Variants in MESP1 observed in about 807,000 individuals in gnomAD.
The protein encoded by MESP1 is mesoderm posterior protein 1.
Under a neutral mutation model 15.2 loss-of-function variants are expected in MESP1, and 22 were observed. The ratio of observed to expected loss-of-function variants is 1.45; its 90% CI spans 1.04 to 2.07. The LOEUF (loss-of-function observed/expected upper bound fraction) is 2.07, where lower values mean the gene tolerates loss of function less well. MESP1 is among the 30% of genes most tolerant of loss of function. MESP1 has a pLI of 0.00. For missense variants in MESP1, 484 were observed against 411.9 expected (o/e 1.17, Z -1.51); for synonymous variants, 216 against 192.6 (o/e 1.12, Z -1.01).
downstream of MESP1, among the ~76,000 whole-genome samples, chr15:89,746,796 C>G (rs1967969341): frequency 6.8e-6 from 1 of 146,948 alleles, no homozygotes; most frequent in Non-Finnish European, 1.5e-5. Flanking sequence ...TCCCCACACA[C>G]ACACACACAC....
At chr15:89,743,237 C>T in the MESP1 span, 8 of 1,588,768 alleles carry the variant, frequency 5.0e-6, no homozygotes, top group Admixed American at 1.7e-5. Context: ...CCTGGGGGCT[C>T]GGGAGCTGGG....
At chr15:89,736,685 G>T in the MESP1 span, among the ~76,000 whole-genome samples, 8 of 152,234 alleles carry the variant, frequency 5.3e-5, no homozygotes, top group East Asian at 1.4e-3. Context: ...GCTGAAGCTG[G>T]GAGACAGACG....
chr15:89,732,859 A>T, the MESP1 span: 1 of 729,332 alleles, frequency 1.4e-6, no homozygotes, highest in African/African-American at 1.8e-5. Flanking sequence ...CACTAGGTTT[A>T]CTGATTTTCT....
the MESP1 span, chr15:89,743,511 T>C: frequency 3.4e-6 from 3 of 890,930 alleles, no homozygotes; most frequent in Non-Finnish European, 5.2e-6. Flanking sequence ...GCACTCGGAG[T>C]CTGGGGCCTC....
rs367827426 is a variant in MESP1, at chr15:89,750,135, T to C, written c.*9A>G. On this transcript the variant is annotated 3_prime_UTR_variant, in exon 2 of 2. Transcript: ENST00000300057. ...CGGTGCTCACAGAGACGGCGTCAGT[T>C]GTCCCTTGTCACTTGGGCTCCTCAG... 2 of 1,613,674 alleles carry C rather than the reference T, an allele frequency of 1.2e-6. No homozygotes were observed. The highest frequency in any genetic ancestry group is 1.7e-6 in the Non-Finnish European group (2 of 1,179,764).
At chr15:89,736,450 C>T in the MESP1 span, among the ~76,000 whole-genome samples, 17 of 152,036 alleles carry the variant, frequency 1.1e-4, no homozygotes, top group Non-Finnish European at 1.8e-4. Context: ...TGAAGTGGGG[C>T]GTACAGCAGG....
the MESP1 span, chr15:89,738,381 C>T: frequency 1.0e-6 from 1 of 965,900 alleles, no homozygotes; most frequent in Non-Finnish European, 1.5e-6. Flanking sequence ...AATCCCAGCA[C>T]TTTGGGAGTC....
chr15:89,735,376 CCTCACATATTTCTTGATTTCTCTG>C, the MESP1 span: 1 of 1,057,846 alleles, frequency 9.5e-7, no homozygotes, highest in Non-Finnish European at 1.4e-6. Flanking sequence ...TGAACAGCCT[CCTCACATATTTCTTGATTTCTCTG>C]AATTTCTCCA....
At position 89,751,215 on chromosome 15, in the gene MESP1, C is replaced by A; in HGVS notation, c.17G>T (p.Cys6Phe). 1 of 1,248,096 alleles carries A rather than the reference C, an allele frequency of 8.0e-7. No homozygotes were observed. The highest frequency in any genetic ancestry group is 3.7e-5 in the South Asian group (1 of 26,844). 77.3% of individuals were successfully genotyped at this position (1,248,096 alleles called of 1,614,324 possible). ...CATCCAGGACTCGGAGAGCGGCGGG[C>A]ACAGGGGCTGGGCCATGGCAGCGGC... MAQPL[C>F]PPLSESWMLS... The change falls in exon 1 of 2, where the codon TGC becomes TTC. Residue 6 changes from cysteine to phenylalanine, a missense_variant. Physicochemically the swap from Cys to Phe is radical, Grantham distance 205. Transcript: ENST00000300057.
chr15:89,751,065 G>T lies in MESP1; in HGVS notation c.167C>A (p.Ala56Glu). 2 of 1,239,370 alleles carry T rather than the reference G, an allele frequency of 1.6e-6. No individual in the cohort carries two copies. The highest frequency in any genetic ancestry group is 2.4e-5 in the South Asian group (1 of 42,326). The allele number at this position is 1,239,370 out of a possible 1,614,324, so 76.8% of individuals were successfully genotyped here. Residue 56 changes from alanine to glutamate, a missense_variant, in exon 1 of 2, where the codon GCG becomes GAG. Coordinates refer to ENST00000300057, the MANE Select transcript of MESP1 (RefSeq NM_018670.4). ...GGGGTCCCGGAGGGTGCCTGGCCGC[G>T]CGGGGCTCGCCACGGGGCTGTCGGC... Reference protein sequence around the residue: ...TPADSPVASPARPGTLRDPRA... With the variant: ...TPADSPVASPERPGTLRDPRA...
chr15:89,736,555 C>A, the MESP1 span, among the ~76,000 whole-genome samples: 1 of 151,842 alleles, frequency 6.6e-6, no homozygotes, highest in Non-Finnish European at 1.5e-5. Context: ...ACAAAGTGAC[C>A]GTGAGGGGCC....
chr15:89,736,070 G>A, the MESP1 span, among the ~76,000 whole-genome samples: 2 of 152,206 alleles, frequency 1.3e-5, no homozygotes, highest in African/African-American at 4.8e-5. Flanking sequence ...TGTACACTGC[G>A]CAGAAGGATA....
the MESP1 span, among the ~76,000 whole-genome samples, chr15:89,738,626 C>CAA: frequency 0.016 from 1,287 of 81,408 alleles, 26 homozygotes; most frequent in African/African-American, 0.057. Context: ...GACTCTGTCC[C>CAA]AAAAAAAAAA....
downstream of MESP1, among the ~76,000 whole-genome samples, chr15:89,747,737 C>G (rs1336546115): frequency 6.6e-6 from 1 of 152,262 alleles, no homozygotes; most frequent in African/African-American, 2.4e-5. Context: ...CACCCACCAT[C>G]TGCAGCCTTT....
chr15:89,743,158 G>A, the MESP1 span: 1 of 801,344 alleles, frequency 1.2e-6, no homozygotes. Flanking sequence ...TGAGCCCTGA[G>A]GACACAGAGG....
At chr15:89,737,745 A>G in the MESP1 span, 2 of 1,614,070 alleles carry the variant, frequency 1.2e-6, no homozygotes, top group Non-Finnish European at 1.7e-6. Context: ...GAAAGGGACC[A>G]GGGCTGATGC....
rs1309533240 is a variant in MESP1, at chr15:89,750,508, C to T, written c.723+1G>A. ...GGGGGCGCGGGGAAGGGGACACTAA[C>T]CGGGGACGGTGGGCTTGGCTCCATC... On this transcript the variant is annotated splice_donor_variant, in intron 1 of 1. Transcript: ENST00000300057. LOFTEE classifies it high-confidence loss of function. 9 of 1,501,374 alleles carry T rather than the reference C, an allele frequency of 6.0e-6. No homozygotes were observed. In the South Asian group the frequency reaches 6.6e-5, roughly 11 times the overall value. 93.0% of individuals were successfully genotyped at this position (1,501,374 alleles called of 1,614,324 possible).
At chr15:89,747,293 A>C (rs569672208), downstream of MESP1, among the ~76,000 whole-genome samples, 1 of 152,238 alleles carries the variant, frequency 6.6e-6, no homozygotes, top group East Asian at 1.9e-4. Context: ...AAACAGAGAG[A>C]GTGCAAACCT....
chr15:89,745,268 G>C (rs1318137117), downstream of MESP1, among the ~76,000 whole-genome samples: 1 of 152,164 alleles, frequency 6.6e-6, no homozygotes, highest in Non-Finnish European at 1.5e-5. This position sits in a 1 kb window ranked among gnomAD's most constrained non-coding sequence, Gnocchi z 4.8. Flanking sequence ...TTCACAAGGC[G>C]TCTTATGTGC....
Sources: gnomAD v4.1 joint callset for allele counts (sites outside exome capture counted in the v4.1 genomes callset) on GRCh38, gnomAD v4.1.1 for gene constraint, Gnocchi (gnomAD v3.1) non-coding constraint, MANE v1.5 for transcripts, NCBI Gene and HGNC (gene_info 2026-07-23, HGNC 2026-07-21) for gene names.